GIGYF2: variants seen among roughly 807,000 people sequenced by gnomAD.
GIGYF2 encodes GRB10 interacting GYF protein 2.
GIGYF2 carries 25 observed loss-of-function variants against 208.1 expected under a neutral mutation model. That is an observed-to-expected ratio of 0.12 (90% CI 0.09 to 0.17). The LOEUF is 0.17. Ranked by LOEUF, GIGYF2 falls within the 10% of genes least tolerant of loss-of-function variation. The pLI, the probability that GIGYF2 is intolerant of heterozygous loss-of-function variation, is 1.00. For missense variants in GIGYF2, 1,302 were observed against 1,579.4 expected (o/e 0.82, Z 2.98); for synonymous variants, 534 against 543.8 (o/e 0.98, Z 0.25).
At chr2:232,848,430 T>C (rs1290304391) in intron 27 of GIGYF2, among the ~76,000 whole-genome samples, 1 of 152,078 alleles carries the variant, frequency 6.6e-6, no homozygotes, top group Non-Finnish European at 1.5e-5. Context: ...GGTCAGGAGT[T>C]CAAAACCAGC....
intron 20 of GIGYF2, among the ~76,000 whole-genome samples, chr2:232,817,797 C>A (rs1700958849): frequency 6.6e-6 from 1 of 152,172 alleles, no homozygotes; most frequent in Non-Finnish European, 1.5e-5. Context: ...ATTTAGATGA[C>A]TTCCACGTTT....
chr2:232,730,641 G>A (rs539622146), intron 2 of GIGYF2, among the ~76,000 whole-genome samples: 1 of 145,126 alleles, frequency 6.9e-6, no homozygotes, highest in East Asian at 2.1e-4. Flanking sequence ...GCTCACGCCT[G>A]TAATCCCAGC....
chr2:232,745,749 G>A (rs1401925531), intron 3 of GIGYF2, among the ~76,000 whole-genome samples: 1 of 152,066 alleles, frequency 6.6e-6, no homozygotes, highest in Non-Finnish European at 1.5e-5. Context: ...ACCAAGCATT[G>A]ATCATAAATT....
At position 232,723,153 on chromosome 2, in the gene GIGYF2, A is replaced by G. The variant is rs1559383265; in HGVS notation, c.-43-12002A>G. 2.0e-5 allele frequency among the ~76,000 whole-genome samples: 3 copies of G among 151,880 alleles called. No homozygotes were observed. In the South Asian group the frequency reaches 6.2e-4, roughly 32 times the overall value. On this transcript the variant is annotated intron_variant, in intron 2 of 28. Transcript: ENST00000373563. The stretch of plus-strand genomic sequence containing the variant: ...TAAATTCCCCTACCCCCTTCAATAA[A>G]ACTCTACATAACCTTGGAAGCATTC...
At chr2:232,714,142 A>G (rs1696563261) in intron 2 of GIGYF2, among the ~76,000 whole-genome samples, 1 of 151,950 alleles carries the variant, frequency 6.6e-6, no homozygotes, top group Non-Finnish European at 1.5e-5. Flanking sequence ...TAGTAGAGAC[A>G]GGGTTTCACC....
chr2:232,844,279 C>G, intron 24 of GIGYF2, 24 bp downstream of exon 24: 2 of 1,606,064 alleles, frequency 1.2e-6, no homozygotes, highest in Non-Finnish European at 1.7e-6. Context: ...CCTAAGCTGT[C>G]GTTGTATGGA....
intron 23 of GIGYF2, chr2:232,842,865 G>A (rs181656710): frequency 1.4e-4 from 21 of 152,318 alleles, no homozygotes; most frequent in African/African-American, 4.6e-4. Flanking sequence ...TTTCTGCTGT[G>A]GTGAGGGAGA....
intron 8 of GIGYF2, among the ~76,000 whole-genome samples, chr2:232,772,035 A>G (rs1221966623): frequency 1.3e-5 from 2 of 152,138 alleles, no homozygotes; most frequent in African/African-American, 4.8e-5. Flanking sequence ...CCTAGGCTGG[A>G]GTGCAGTGGC....
chr2:232,787,940 A>G (rs1189122514), intron 9 of GIGYF2, among the ~76,000 whole-genome samples: 1 of 152,190 alleles, frequency 6.6e-6, no homozygotes, highest in African/African-American at 2.4e-5. Flanking sequence ...CTTGGACATT[A>G]GATATGCTAG....
At chr2:232,734,765 G>A (rs1019286912) in intron 2 of GIGYF2, among the ~76,000 whole-genome samples, 3 of 152,104 alleles carry the variant, frequency 2.0e-5, no homozygotes, top group Non-Finnish European at 4.4e-5. Flanking sequence ...TGGTGATAGG[G>A]GAGTCATTAC....
At position 232,791,975 on chromosome 2, in the gene GIGYF2, G is replaced by A. The variant is rs150796501; in HGVS notation, c.1282+529G>A. 1.5e-4 allele frequency among the ~76,000 whole-genome samples: 23 copies of A among 152,254 alleles called. 1 individual carries two copies. Among genetic ancestry groups the A allele is most frequent in the African/African-American group, 5.5e-4 (23 of 41,546 alleles). On this transcript the variant is annotated intron_variant, in intron 12 of 28. Coordinates refer to ENST00000373563, the MANE Select transcript of GIGYF2 (RefSeq NM_001103146.3). ...AGGCAATATTAATGCTCATTTCCAT[G>A]TTTCTTCTTGTACGTATTTAAAAAT...
At chr2:232,779,364 T>A (rs554473310) in intron 8 of GIGYF2, among the ~76,000 whole-genome samples, 3 of 152,346 alleles carry the variant, frequency 2.0e-5, no homozygotes, top group African/African-American at 7.2e-5. Context: ...CTAAAGGCAT[T>A]TGATTTTCTT....
At chr2:232,716,170 T>C (rs938453759) in intron 2 of GIGYF2, among the ~76,000 whole-genome samples, 5 of 152,130 alleles carry the variant, frequency 3.3e-5, no homozygotes, top group African/African-American at 9.7e-5. Flanking sequence ...CTTTTACTAT[T>C]ATAAGTAATG....
At chr2:232,745,887 C>A (rs1559399563) in intron 3 of GIGYF2, among the ~76,000 whole-genome samples, 1 of 152,058 alleles carries the variant, frequency 6.6e-6, no homozygotes. Flanking sequence ...TACTCAGTCA[C>A]CAGTTTACAT....
At chr2:232,847,249 G>C (rs1702036411) in intron 26 of GIGYF2, 99 bp from the exon 27 acceptor site, 1 of 1,149,648 alleles carries the variant, frequency 8.7e-7, no homozygotes, top group Non-Finnish European at 1.3e-6. Flanking sequence ...ATTAATGTTT[G>C]ATTAGGTATA....
rs114331007 is a variant in GIGYF2, at chr2:232,847,322, T to G, written c.3461-26T>G. 6,245 of 1,607,036 alleles carry G rather than the reference T, an allele frequency of 3.9e-3. 15 individuals are homozygous for G. The highest frequency in any genetic ancestry group is 4.8e-3 in the Non-Finnish European group (5,681 of 1,174,626). On this transcript the variant is annotated intron_variant, in intron 26 of 28. Coordinates refer to ENST00000373563, the MANE Select transcript of GIGYF2 (RefSeq NM_001103146.3). ...CTCTTTCATTATTTCATTGTTACCC[T>G]TATCTTCTCCCCTCCCGTTTTGCAG... is the stretch of plus-strand genomic sequence containing the variant.
At position 232,796,336 on chromosome 2, in the gene GIGYF2, ACG is replaced by A. The variant is rs1574894963; in HGVS notation, c.1639+121_1639+122del. 116 of 756,968 alleles carry A rather than the reference ACG, an allele frequency of 1.5e-4. 1 individual carries two copies. The East Asian group carries it at 3.0e-3, about 20-fold the overall frequency. 46.9% of individuals were successfully genotyped at this position (756,968 alleles called of 1,614,324 possible). A position where few individuals can be genotyped will look rare whatever the true frequency, so the allele number is the denominator to read the frequency against. On this transcript the variant is annotated intron_variant, in intron 14 of 28. Transcript: ENST00000373563. ...TAGAAAAAGAAGTCAACAAGCACAC[ACG>A]CGCGCACACACGCAGACTAGAAGTG... is the stretch of plus-strand genomic sequence containing the variant.
intron 23 of GIGYF2, among the ~76,000 whole-genome samples, chr2:232,840,370 A>G (rs1380701124): frequency 1.3e-5 from 2 of 152,222 alleles, no homozygotes; most frequent in African/African-American, 4.8e-5. Context: ...TGTGACAGAA[A>G]TAAAGTACCT....
At chr2:232,772,657 A>T (rs1213641668) in intron 8 of GIGYF2, among the ~76,000 whole-genome samples, 1 of 152,212 alleles carries the variant, frequency 6.6e-6, no homozygotes, top group Non-Finnish European at 1.5e-5. Flanking sequence ...CTAGGAACAG[A>T]ACAGGAAATG....
Sources: allele counts gnomAD v4.1 joint callset (sites outside exome capture counted in the v4.1 genomes callset), GRCh38; gene constraint gnomAD v4.1.1; transcripts MANE v1.5; gene names NCBI Gene and HGNC (gene_info 2026-07-23, HGNC 2026-07-21).